The following PJA2 variants were observed in gnomAD, a reference collection of about 807,000 sequenced individuals.
The protein encoded by PJA2 is E3 ubiquitin-protein ligase Praja-2.
Under a neutral mutation model 69.3 loss-of-function variants are expected in PJA2, and 25 were observed. That is an observed-to-expected ratio of 0.36 (90% CI 0.26 to 0.50). The LOEUF (loss-of-function observed/expected upper bound fraction) is 0.50, where lower values mean the gene tolerates loss of function less well. PJA2 is among the 20% of genes least tolerant of loss of function. PJA2 has a pLI of 0.96. For synonymous variants in PJA2, 308 were observed against 277.8 expected (o/e 1.11, Z -1.08); for missense variants, 809 against 830.2 (o/e 0.97, Z 0.31).
In PJA2 at chr5:109,379,141, T is replaced by C. The variant is rs765563925; in HGVS notation, c.346A>G (p.Ser116Gly). 6.8e-6 allele frequency: 11 copies of C among 1,614,082 alleles called. No homozygotes were observed. Among genetic ancestry groups the C allele is most frequent in the Admixed American group, 6.7e-5 (4 of 60,010 alleles). The change falls in exon 4 of 10, where the codon AGT (serine) becomes GGT (glycine). Residue 116 changes from serine (S) to glycine (G), a missense_variant. Ser to Gly is a moderately conservative substitution (Grantham distance 56, BLOSUM62 0). Transcript: ENST00000361189. ...GSALNQTTESSQSFVAVHHSE... is the reference protein window; with the variant it reads ...GSALNQTTESGQSFVAVHHSE... ...TGATGTACTGCAACAAAGGATTGAC[T>C]GCTCTCAGTGGTTTGATTCAATGCT...
chr5:109,353,543 A>T lies in PJA2; in HGVS notation c.1764+2372T>A, dbSNP rs1029162707. On this transcript the variant is annotated intron_variant, in intron 7 of 9. Coordinates refer to ENST00000361189, the MANE Select transcript of PJA2 (RefSeq NM_014819.5). ...ATATTAGATATCTATAATATCATAG[A>T]TATCTATATATTAGATATCTATAAT... 8.6e-5 allele frequency among the ~76,000 whole-genome samples: 10 copies of T among 116,314 alleles called. No individual in the cohort carries two copies. In the South Asian group the frequency reaches 2.1e-3, roughly 24 times the overall value. The allele number at this position is 116,314 out of a possible 152,430, so 76.3% of individuals were successfully genotyped here.
At chr5:109,351,474 A>G (rs1256539002) in intron 7 of PJA2, among the ~76,000 whole-genome samples, 1 of 152,144 alleles carries the variant, frequency 6.6e-6, no homozygotes, top group Non-Finnish European at 1.5e-5. Context: ...TTTTTATATT[A>G]AAAATTTTAA....
intron 6 of PJA2, among the ~76,000 whole-genome samples, chr5:109,358,251 C>T (rs1456215291): frequency 6.6e-6 from 1 of 152,214 alleles, no homozygotes; most frequent in Admixed American, 6.5e-5. Flanking sequence ...TGTTCTTAAA[C>T]CACAAACAAT....
chr5:109,405,803 AAATC>A (rs1156659245), intron 1 of PJA2, among the ~76,000 whole-genome samples: 1 of 152,208 alleles, frequency 6.6e-6, no homozygotes, highest in Non-Finnish European at 1.5e-5. Context: ...TCCTAAGAGT[AAATC>A]TGCACAACTT....
At position 109,378,607 on chromosome 5, in the gene PJA2, A is replaced by C. The variant is rs1746956599; in HGVS notation, c.880T>G (p.Cys294Gly). 3 of 1,614,064 alleles carry C rather than the reference A, an allele frequency of 1.9e-6. No individual in the cohort carries two copies. The highest frequency in any genetic ancestry group is 2.5e-6 in the Non-Finnish European group (3 of 1,180,024). The change falls in exon 4 of 10, where the codon TGT becomes GGT. Residue 294 changes from cysteine to glycine, a missense_variant. By Grantham distance (159) the Cys-to-Gly change is radical (BLOSUM62 -3). Around this residue, in one of 4 missense-constraint regions of PJA2, gnomAD observed 700 missense variants for 639.5 expected, o/e 1.09. Coordinates refer to ENST00000361189, the MANE Select transcript of PJA2 (RefSeq NM_014819.5). The stretch of plus-strand genomic sequence containing the variant: ...CTATCATTGGTATTTTGTTCACTAC[A>C]AATATGCCCTGGACCACAGGCTGCA... The part of the protein sequence containing the change: ...EDAACGPGHI[C>G]SEQNTNDREK...
chr5:109,395,566 A>T (rs976637308), intron 1 of PJA2, among the ~76,000 whole-genome samples: 1 of 152,220 alleles, frequency 6.6e-6, no homozygotes, highest in Non-Finnish European at 1.5e-5. Context: ...GGAAAACAAT[A>T]GGCCCACAGG....
chr5:109,354,157 G>GAGATGTCTATAGATTAGATATCT lies in PJA2; in HGVS notation c.1764+1757_1764+1758insAGATATCTAATCTATAGACATCT, dbSNP rs1561345826. On this transcript the variant is annotated intron_variant, in intron 7 of 9. Transcript: ENST00000361189. ...AGCTGTCTATAGATTAGATATCTAT[G>GAGATGTCTATAGATTAGATATCT]ATATCTAGAGATGTCTATAGATTAG... 3.6e-3 allele frequency among the ~76,000 whole-genome samples: 188 copies of GAGATGTCTATAGATTAGATATCT among 51,906 alleles called. 11 individuals carry two copies. Among genetic ancestry groups the GAGATGTCTATAGATTAGATATCT allele is most frequent in the Non-Finnish European group, 0.011 (146 of 12,962 alleles). The allele number at this position is 51,906 out of a possible 152,430, so 34.1% of individuals were successfully genotyped here.
At chr5:109,347,909 CTT>C (rs1459860335) in intron 7 of PJA2, among the ~76,000 whole-genome samples, 2 of 152,188 alleles carry the variant, frequency 1.3e-5, no homozygotes, top group African/African-American at 4.8e-5. Context: ...ATTTCTCTCT[CTT>C]GGGACTGAAC....
At chr5:109,352,781 T>C (rs865823936) in intron 7 of PJA2, among the ~76,000 whole-genome samples, 2 of 151,720 alleles carry the variant, frequency 1.3e-5, no homozygotes, top group Middle Eastern at 3.5e-3. Context: ...CTAATATCTA[T>C]AGATATCTAT....
At chr5:109,364,099 C>T (rs1333299769) in intron 5 of PJA2, among the ~76,000 whole-genome samples, 1 of 152,130 alleles carries the variant, frequency 6.6e-6, no homozygotes. Flanking sequence ...GCTGAGATCA[C>T]ACCACTGCAC....
At chr5:109,397,048 T>C (rs1023841635) in intron 1 of PJA2, among the ~76,000 whole-genome samples, 1 of 152,192 alleles carries the variant, frequency 6.6e-6, no homozygotes, top group East Asian at 1.9e-4. Flanking sequence ...TCTGCCCTCA[T>C]GAATGGACTA....
chr5:109,384,977 C>T (rs564721691), intron 1 of PJA2, among the ~76,000 whole-genome samples: 2 of 152,028 alleles, frequency 1.3e-5, no homozygotes, highest in African/African-American at 2.4e-5. Context: ...CCACCATGCC[C>T]GGCTAATTTT....
chr5:109,340,363 A>C (rs1762019971), intron 9 of PJA2, among the ~76,000 whole-genome samples: 1 of 151,994 alleles, frequency 6.6e-6, no homozygotes, highest in African/African-American at 2.4e-5. Flanking sequence ...ATAGAAATAG[A>C]GGAACAGCAA....
Position 109,338,438 on chromosome 5 carries a change from G to A in PJA2, c.2002-1082C>T, listed in dbSNP as rs180907848. On this transcript the variant is annotated intron_variant, in intron 9 of 9. Transcript: ENST00000361189. The stretch of plus-strand genomic sequence containing the variant: ...ACAGATTGCCTGAGCTCAGGAGTTC[G>A]CAACCAGCCTGGGCAACATGGTGAA... 6.6e-3 allele frequency among the ~76,000 whole-genome samples: 1,005 copies of A among 152,090 alleles called. 6 individuals are homozygous for A. Among genetic ancestry groups the A allele is most frequent in the Non-Finnish European group, 0.011 (728 of 67,990 alleles).
At chr5:109,403,940 G>A (rs766862685) in intron 1 of PJA2, among the ~76,000 whole-genome samples, 14 of 151,532 alleles carry the variant, frequency 9.2e-5, no homozygotes, top group African/African-American at 1.9e-4. Context: ...GCTTGGTGGC[G>A]TGTACCTGTA....
At chr5:109,398,327 G>A (rs372618726) in intron 1 of PJA2, among the ~76,000 whole-genome samples, 3 of 151,984 alleles carry the variant, frequency 2.0e-5, no homozygotes, top group Admixed American at 6.6e-5. Flanking sequence ...ACATGCACAC[G>A]TATGTTTACT....
intron 1 of PJA2, among the ~76,000 whole-genome samples, chr5:109,398,482 A>G (rs1230292980): frequency 1.3e-5 from 2 of 152,146 alleles, no homozygotes; most frequent in Non-Finnish European, 2.9e-5. Context: ...TTGTGGGCAC[A>G]TGGATGAAGC....
chr5:109,337,511 T>G (rs1761969399), intron 9 of PJA2, among the ~76,000 whole-genome samples, 155 bp from the exon 10 acceptor site: 1 of 152,204 alleles, frequency 6.6e-6, no homozygotes, highest in Non-Finnish European at 1.5e-5. Context: ...GACATAATTT[T>G]AATACCTTTT....
intron 3 of PJA2, among the ~76,000 whole-genome samples, chr5:109,380,317 A>G (rs914467132): frequency 1.3e-5 from 2 of 152,098 alleles, no homozygotes; most frequent in African/African-American, 2.4e-5. Flanking sequence ...TGTCTTGTCA[A>G]GTTTGCTTAG....
Sources: allele counts gnomAD v4.1 joint callset (sites outside exome capture counted in the v4.1 genomes callset), GRCh38; gene constraint gnomAD v4.1.1; regional missense constraint gnomAD v4.1.1; transcripts MANE v1.5; gene names NCBI Gene and HGNC (gene_info 2026-07-23, HGNC 2026-07-21).